The following ANO5 variants were observed in gnomAD, a reference collection of about 807,000 sequenced individuals.
ANO5 encodes anoctamin-5.
Under a neutral mutation model 121.0 loss-of-function variants are expected in ANO5, and 109 were observed. The ratio of observed to expected loss-of-function variants is 0.90; its 90% CI spans 0.77 to 1.06. The LOEUF (loss-of-function observed/expected upper bound fraction) is 1.06, where lower values mean the gene tolerates loss of function less well. Among genes scored for constraint, ANO5 ranks in the 50% least tolerant of loss-of-function variants. ANO5 has a pLI of 0.00. For missense variants in ANO5, 1,064 were observed against 1,078.5 expected (o/e 0.99, Z 0.19); for synonymous variants, 406 against 359.9 (o/e 1.13, Z -1.45).
At chr11:22,208,084 CAT>C (rs1394269971) in intron 2 of ANO5, among the ~76,000 whole-genome samples, 1 of 151,988 alleles carries the variant, frequency 6.6e-6, no homozygotes, top group East Asian at 1.9e-4. Context: ...CTGGGGGAAA[CAT>C]AAAATGATAC....
chr11:22,236,038 G>A, intron 7 of ANO5, 125 bp from the exon 8 acceptor site: 1 of 700,628 alleles, frequency 1.4e-6, no homozygotes, highest in Non-Finnish European at 2.6e-6. Flanking sequence ...ACCAAGAGAA[G>A]CTTCTTTCTA....
intron 20 of ANO5, among the ~76,000 whole-genome samples, chr11:22,275,583 A>G (rs1441916989): frequency 6.6e-6 from 1 of 151,936 alleles, no homozygotes; most frequent in Non-Finnish European, 1.5e-5. Context: ...ATGAACTCAC[A>G]AAGTTGAACA....
intron 14 of ANO5, among the ~76,000 whole-genome samples, chr11:22,258,232 T>A (rs2133733106): frequency 6.6e-6 from 1 of 152,338 alleles, no homozygotes; most frequent in Admixed American, 6.5e-5. Flanking sequence ...TATAAATAAT[T>A]GACAGTTGTA....
In ANO5 at chr11:22,262,938, CT is replaced by C. The variant is rs752074954; in HGVS notation, c.1801-7del. 4 of 1,603,500 alleles carry C rather than the reference CT, an allele frequency of 2.5e-6. No homozygotes were observed. In the Admixed American group the frequency reaches 5.0e-5, roughly 20 times the overall value. ...AATTCTGTTTTCTCCCCTCTTGCTT[CT>C]GACTAGTGTGATCCTGGAGGCTGTC... On this transcript the variant is annotated splice_region_variant and splice_polypyrimidine_tract_variant and intron_variant, in intron 16 of 21. Coordinates refer to ENST00000324559, the MANE Select transcript of ANO5 (RefSeq NM_213599.3).
intron 17 of ANO5, among the ~76,000 whole-genome samples, chr11:22,266,020 G>A (rs540589384): frequency 3.3e-5 from 5 of 152,188 alleles, no homozygotes; most frequent in East Asian, 1.9e-4. Context: ...AGTCTTTTTC[G>A]TAAATGGTGT....
chr11:22,235,379 C>G (rs183705155), intron 7 of ANO5, among the ~76,000 whole-genome samples: 1 of 151,182 alleles, frequency 6.6e-6, no homozygotes, highest in Non-Finnish European at 1.5e-5. Context: ...ATCTATTTAC[C>G]GAGATGGAAT....
intron 15 of ANO5, chr11:22,261,398 C>T (rs1187430681): frequency 6.6e-6 from 1 of 152,374 alleles, no homozygotes; most frequent in African/African-American, 2.4e-5. Context: ...GGCATGGTGG[C>T]TCATGCCTGT....
chr11:22,278,333 T>G (rs1161888368), intron 21 of ANO5, among the ~76,000 whole-genome samples: 1 of 151,768 alleles, frequency 6.6e-6, no homozygotes, highest in Admixed American at 6.6e-5. Context: ...CTGGCATAAT[T>G]TCTTTGATAA....
chr11:22,279,018 T>C (rs1854975141), intron 21 of ANO5, among the ~76,000 whole-genome samples: 1 of 151,806 alleles, frequency 6.6e-6, no homozygotes, highest in Non-Finnish European at 1.5e-5. Flanking sequence ...AAAGAATACC[T>C]GGATACAGAT....
At chr11:22,272,726 G>T in intron 18 of ANO5, 58 bp from the exon 19 acceptor site, 1 of 1,498,230 alleles carries the variant, frequency 6.7e-7, no homozygotes, top group Non-Finnish European at 9.3e-7. Context: ...TTTGGGCAGG[G>T]TGTTCCTGTC....
chr11:22,262,449 T>C lies in ANO5; in HGVS notation c.1800+151T>C, dbSNP rs1018224139. 6.1e-6 allele frequency: 5 copies of C among 826,350 alleles called. No homozygotes were observed. In the Admixed American group the frequency reaches 1.1e-4, roughly 18 times the overall value. 51.2% of individuals were successfully genotyped at this position (826,350 alleles called of 1,614,324 possible). A position where few individuals can be genotyped will look rare whatever the true frequency, so the allele number is the denominator to read the frequency against. On this transcript the variant is annotated intron_variant, in intron 16 of 21. Coordinates refer to ENST00000324559, the MANE Select transcript of ANO5 (RefSeq NM_213599.3). ...ACAGAGAGTATTGTTCACAGATGAATCCTGTCATTTGATAAACTTCTCAGT... is the reference window on the plus strand; with the variant it reads ...ACAGAGAGTATTGTTCACAGATGAACCCTGTCATTTGATAAACTTCTCAGT...
chr11:22,238,910 CT>C (rs1402890572), intron 8 of ANO5, among the ~76,000 whole-genome samples: 1 of 152,118 alleles, frequency 6.6e-6, no homozygotes, highest in African/African-American at 2.4e-5. Context: ...TTATTCAGTG[CT>C]GCCTTCAGCA....
At chr11:22,241,305 C>G (rs1590268978) in intron 9 of ANO5, among the ~76,000 whole-genome samples, 1 of 15,610 alleles carries the variant, frequency 6.4e-5, no homozygotes, top group Admixed American at 3.7e-4. Flanking sequence ...TAATGGTCAC[C>G]CAGGTTGATA....
chr11:22,253,371 T>C (rs2133714604), intron 12 of ANO5, among the ~76,000 whole-genome samples: 1 of 152,288 alleles, frequency 6.6e-6, no homozygotes, highest in Admixed American at 6.5e-5. Flanking sequence ...TGGCCAACTT[T>C]CTTATTTCTA....
intron 1 of ANO5, 81 bp from the exon 2 acceptor site, chr11:22,203,723 A>G: frequency 1.2e-6 from 1 of 864,058 alleles, no homozygotes; most frequent in Non-Finnish European, 1.8e-6. Context: ...TTCAATTCCT[A>G]TTTTTTCCTT....
In ANO5 at chr11:22,276,264, T is replaced by C; in HGVS notation, c.2520+65T>C. On this transcript the variant is annotated intron_variant, in intron 21 of 21. Transcript: ENST00000324559. ...CTCTTTAGGCAGATATTTCTAAAGG[T>C]AACCTCTCATCAGAAAGTTAGCAAT... 3 of 1,294,752 alleles carry C rather than the reference T, an allele frequency of 2.3e-6. No homozygotes were observed. In the South Asian group the frequency reaches 3.6e-5, roughly 16 times the overall value. The allele number at this position is 1,294,752 out of a possible 1,614,324, so 80.2% of individuals were successfully genotyped here.
At chr11:22,248,442 G>A (rs1312454208) in intron 9 of ANO5, among the ~76,000 whole-genome samples, 1 of 151,974 alleles carries the variant, frequency 6.6e-6, no homozygotes, top group Non-Finnish European at 1.5e-5. Flanking sequence ...TAACAAGATA[G>A]TTTAAATTAA....
rs1257688225 is a variant in ANO5 at position 22,193,510 on chromosome 11, C to T, written c.18C>T (p.Leu6=). 1.9e-6 allele frequency: 3 copies of T among 1,613,138 alleles called. No individual in the cohort carries two copies. The South Asian group carries it at 3.3e-5, about 18-fold the overall frequency. The part of the protein sequence containing the change: MGDPD[L]LEVLAEEGEK... ...TGGCGAAGATGGGCGACCCGGATCT[C>T]CTGGAAGTGTTGGCGGAGGAAGGTA... is the stretch of plus-strand genomic sequence containing the variant. Residue 6 remains leucine (L), a synonymous_variant, in exon 1 of 22, where the codon CTC becomes CTT. Coordinates refer to ENST00000324559, the MANE Select transcript of ANO5 (RefSeq NM_213599.3).
chr11:22,258,380 G>A (rs1055686230), intron 14 of ANO5, among the ~76,000 whole-genome samples: 1 of 152,122 alleles, frequency 6.6e-6, no homozygotes, highest in Non-Finnish European at 1.5e-5. Context: ...GAGGAGATGT[G>A]ATAAAATAAA....
Sources: allele counts gnomAD v4.1 joint callset (sites outside exome capture counted in the v4.1 genomes callset), GRCh38; gene constraint gnomAD v4.1.1; transcripts MANE v1.5; gene names NCBI Gene and HGNC (gene_info 2026-07-23, HGNC 2026-07-21).